CCDC15: variants seen among roughly 807,000 people sequenced by gnomAD.
CCDC15 encodes the protein coiled-coil domain-containing protein 15.
CCDC15 carries 105 observed loss-of-function variants against 114.5 expected under a neutral mutation model. The observed-to-expected ratio is 0.92, with a 90% confidence interval of 0.78 to 1.08. The LOEUF (loss-of-function observed/expected upper bound fraction) is 1.08. Among genes scored for constraint, CCDC15 ranks in the 50% least tolerant of loss-of-function variants. CCDC15 has a pLI of 0.00. For synonymous variants in CCDC15, 334 were observed against 377.8 expected (o/e 0.88, Z 1.34); for missense variants, 1,105 against 1,093.6 (o/e 1.01, Z -0.15).
chr11:125,024,166 C>T (rs939636462), intron 13 of CCDC15, among the ~76,000 whole-genome samples: 1 of 151,960 alleles, frequency 6.6e-6, no homozygotes, highest in Non-Finnish European at 1.5e-5. Context: ...CCAGCTTTCT[C>T]TTCTTCCGTG....
chr11:124,998,620 C>A (rs1948416257), intron 11 of CCDC15, among the ~76,000 whole-genome samples: 1 of 152,008 alleles, frequency 6.6e-6, no homozygotes, highest in Admixed American at 6.6e-5. Flanking sequence ...TCCTTTTCCC[C>A]TTTCTCCTTT....
intron 4 of CCDC15, among the ~76,000 whole-genome samples, chr11:124,960,872 T>C (rs1048628563): frequency 2.0e-5 from 3 of 152,056 alleles, no homozygotes; most frequent in Non-Finnish European, 4.4e-5. Context: ...CTAGAAATAA[T>C]GAGAGGAAGA....
intron 13 of CCDC15, among the ~76,000 whole-genome samples, chr11:125,011,668 G>C (rs886192683): frequency 6.6e-6 from 1 of 152,048 alleles, no homozygotes; most frequent in African/African-American, 2.4e-5. Flanking sequence ...TAGTTTATTC[G>C]TGGGATAACT....
intron 11 of CCDC15, among the ~76,000 whole-genome samples, chr11:124,995,992 G>C (rs1187807454): frequency 1.3e-5 from 2 of 151,850 alleles, no homozygotes; most frequent in African/African-American, 2.4e-5. Flanking sequence ...ACCAAGCCTG[G>C]CTAATTTTTG....
chr11:124,955,830 C>T (rs1947538497), intron 2 of CCDC15, among the ~76,000 whole-genome samples: 1 of 152,080 alleles, frequency 6.6e-6, no homozygotes, highest in African/African-American at 2.4e-5. Flanking sequence ...TATTCCTACC[C>T]TGCCTATTTC....
intron 13 of CCDC15, among the ~76,000 whole-genome samples, chr11:125,030,598 A>G (rs114557419): frequency 2.6e-5 from 4 of 152,218 alleles, no homozygotes; most frequent in Admixed American, 6.5e-5. Flanking sequence ...GAAGTCCAGT[A>G]TAATCAGCCT....
rs114378232 is a variant in CCDC15, at chr11:125,023,468, A to G, written c.2412-14963A>G. On this transcript the variant is annotated intron_variant, in intron 13 of 15. Coordinates refer to ENST00000344762, the MANE Select transcript of CCDC15 (RefSeq NM_025004.3). ...CAATAGTAAAAAGACACTTGATCCA[A>G]TTTAAAAGTGGACAAGGATTTAAAT... Among the ~76,000 whole-genome samples, 913 of 152,144 alleles carry G rather than the reference A, an allele frequency of 6.0e-3. 12 individuals carry two copies. The highest frequency in any genetic ancestry group is 0.021 in the African/African-American group (872 of 41,544).
intron 13 of CCDC15, among the ~76,000 whole-genome samples, chr11:125,008,129 T>TG (rs1304086383): frequency 2.0e-5 from 3 of 152,238 alleles, no homozygotes; most frequent in Non-Finnish European, 4.4e-5. Flanking sequence ...ACTGACATCT[T>TG]GACAATATTG....
chr11:124,980,558 A>G (rs1591584910), intron 6 of CCDC15, among the ~76,000 whole-genome samples: 1 of 152,154 alleles, frequency 6.6e-6, no homozygotes, highest in East Asian at 1.9e-4. Context: ...TTGTGTGCAT[A>G]GAGGTGTTCA....
At chr11:125,022,221 C>A (rs1948665368) in intron 13 of CCDC15, among the ~76,000 whole-genome samples, 1 of 151,854 alleles carries the variant, frequency 6.6e-6, no homozygotes, top group South Asian at 2.1e-4. Context: ...TGGCCTTTTT[C>A]TATATTACCT....
chr11:124,962,569 G>A (rs545079853), intron 4 of CCDC15, among the ~76,000 whole-genome samples: 1 of 151,768 alleles, frequency 6.6e-6, no homozygotes, highest in Non-Finnish European at 1.5e-5. Context: ...CCATAGGTTT[G>A]AATTTATTTA....
At chr11:124,998,785 A>AGG (rs1948422596) in intron 11 of CCDC15, among the ~76,000 whole-genome samples, 1 of 144,852 alleles carries the variant, frequency 6.9e-6, no homozygotes, top group East Asian at 2.0e-4. Flanking sequence ...TCGCCTAGGC[A>AGG]GGAGTGCAGT....
In CCDC15 at chr11:125,013,856, T is replaced by G. The variant is rs140146170; in HGVS notation, c.2411+8644T>G. ...GGGGTTTTCAAAATATGTTTCAGCATGACATTGGATAAGGTACAGGGCTAC... is the reference window on the plus strand; with the variant it reads ...GGGGTTTTCAAAATATGTTTCAGCAGGACATTGGATAAGGTACAGGGCTAC... On this transcript the variant is annotated intron_variant, in intron 13 of 15. Coordinates refer to ENST00000344762, the MANE Select transcript of CCDC15 (RefSeq NM_025004.3). 2.3e-3 allele frequency among the ~76,000 whole-genome samples: 350 copies of G among 152,270 alleles called. 1 individual carries two copies. The highest frequency in any genetic ancestry group is 8.3e-3 in the African/African-American group (347 of 41,562).
intron 4 of CCDC15, among the ~76,000 whole-genome samples, chr11:124,964,582 G>A (rs1175280708): frequency 2.0e-5 from 3 of 152,276 alleles, no homozygotes; most frequent in South Asian, 2.1e-4. Context: ...CATGTCATCT[G>A]CAAACAGGGA....
At chr11:125,025,067 A>AATATAT (rs1365002248) in intron 13 of CCDC15, among the ~76,000 whole-genome samples, 1 of 115,118 alleles carries the variant, frequency 8.7e-6, no homozygotes, top group Non-Finnish European at 1.7e-5. Context: ...TATATATATG[A>AATATAT]ATATATGAAT....
At chr11:124,964,091 G>A (rs1037581841) in intron 4 of CCDC15, among the ~76,000 whole-genome samples, 6 of 152,142 alleles carry the variant, frequency 3.9e-5, no homozygotes, top group African/African-American at 7.2e-5. Context: ...CTCCAACTTT[G>A]TTCTTTTTGT....
intron 13 of CCDC15, among the ~76,000 whole-genome samples, chr11:125,012,678 T>C (rs1948602031): frequency 6.6e-6 from 1 of 152,180 alleles, no homozygotes; most frequent in African/African-American, 2.4e-5. Flanking sequence ...TAGGAAAACA[T>C]ATATAAACAG....
intron 13 of CCDC15, among the ~76,000 whole-genome samples, chr11:125,007,039 A>C (rs937208441): frequency 2.6e-5 from 4 of 152,250 alleles, no homozygotes; most frequent in Admixed American, 6.5e-5. Context: ...TGTAATGATC[A>C]AATCAGAGTA....
At position 124,954,996 on chromosome 11, in the gene CCDC15, C is replaced by T. The variant is rs1947524255; in HGVS notation, c.177+87C>T. On this transcript the variant is annotated intron_variant, in intron 2 of 15. Coordinates refer to ENST00000344762, the MANE Select transcript of CCDC15 (RefSeq NM_025004.3). ...CTAATCCTGGGTGCTTAAAGATGAA[C>T]AGTCCGAGGATGCTGTTTCTATTCT... is the stretch of plus-strand genomic sequence containing the variant. 6 of 1,189,480 alleles carry T rather than the reference C, an allele frequency of 5.0e-6. No individual in the cohort carries two copies. In the Admixed American group the frequency reaches 1.0e-4, roughly 21 times the overall value. The allele number at this position is 1,189,480 out of a possible 1,614,324, so 73.7% of individuals were successfully genotyped here. A position where few individuals can be genotyped will look rare whatever the true frequency, so the allele number is the denominator to read the frequency against.
Sources: gnomAD v4.1 joint callset for allele counts (sites outside exome capture counted in the v4.1 genomes callset) on GRCh38, gnomAD v4.1.1 for gene constraint, MANE v1.5 for transcripts, NCBI Gene and HGNC (gene_info 2026-07-23, HGNC 2026-07-21) for gene names.